The following DOK3 variants were observed in gnomAD, a reference collection of about 807,000 sequenced individuals.
DOK3 encodes Dok-like protein.
In DOK3, 23 loss-of-function variants were observed where a neutral mutation model predicts 26.2. The observed-to-expected ratio is 0.88, with a 90% CI of 0.63 to 1.24. DOK3 has a LOEUF of 1.24. Ranked by LOEUF, DOK3 falls within the 50% of genes most tolerant of loss-of-function variation. DOK3 has a pLI of 0.00. For synonymous variants in DOK3, 268 were observed against 268.2 expected (o/e 1.00, Z 0.01); for missense variants, 619 against 610.6 (o/e 1.01, Z -0.15).
rs556362471 is a variant in DOK3 at position 177,509,558 on chromosome 5, G to C, written c.-18C>G. Reference sequence around the variant, plus strand: ...GGGTCCATGGTCACGGCCAGGAGCAGGGCCGCCGCTTCAAGACCTGGGGAG... The same window carrying C: ...GGGTCCATGGTCACGGCCAGGAGCACGGCCGCCGCTTCAAGACCTGGGGAG... On this transcript the variant is annotated 5_prime_UTR_variant, in exon 2 of 6. Transcript: ENST00000510898. The C allele has an allele frequency of 6.2e-6, 10 of 1,610,068 alleles. No homozygotes were observed. Among genetic ancestry groups the C allele is most frequent in the African/African-American group, 5.3e-5 (4 of 74,944 alleles).
chr5:177,507,952 G>T (rs910501596), intron 3 of DOK3, among the ~76,000 whole-genome samples: 1 of 152,136 alleles, frequency 6.6e-6, no homozygotes, highest in Non-Finnish European at 1.5e-5. Flanking sequence ...TCCCCAGGCT[G>T]CCCCTGTCCT....
At position 177,503,104 on chromosome 5, in the gene DOK3, CAG is replaced by C; in HGVS notation, c.*877_*878del. ...GAGTTGCGGTGAGGGGCTGGGCAGT[CAG>C]AGCCCTGGAGGCATGACGCTTGCGT... On this transcript the variant is annotated 3_prime_UTR_variant, in exon 6 of 6. Coordinates refer to ENST00000510898, the MANE Select transcript of DOK3 (RefSeq NM_001308236.3). 1 of 1,550,604 alleles carries C rather than the reference CAG, an allele frequency of 6.4e-7. No individual in the cohort carries two copies. Among genetic ancestry groups the C allele is most frequent in the Non-Finnish European group, 8.7e-7 (1 of 1,146,228 alleles).
chr5:177,505,175 G>A (rs767613110), intron 3 of DOK3, 65 bp from the exon 4 acceptor site: 95 of 1,429,622 alleles, frequency 6.6e-5, no homozygotes, highest in Non-Finnish European at 8.7e-5. Context: ...CCTCCCCTCA[G>A]TATCCCAGAA....
Position 177,508,324 on chromosome 5 carries a change from G to C in DOK3, c.285C>G (p.Phe95Leu). ...GESCPRDTGA[F>L]LLTTTERSHL... is the part of the protein sequence containing the mutation. ...GGCTTCGCTCGGTGGTGGTGAGCAG[G>C]AAGGCACCGGTGTCCCGGGGGCAGC... Residue 95 changes from phenylalanine (F) to leucine (L), a missense_variant, in exon 3 of 6, where the codon TTC becomes TTG. Coordinates refer to ENST00000510898, the MANE Select transcript of DOK3 (RefSeq NM_001308236.3). The C allele has an allele frequency of 1.3e-6, 2 of 1,593,600 alleles. No individual in the cohort carries two copies. The highest frequency in any genetic ancestry group is 1.7e-6 in the Non-Finnish European group (2 of 1,175,244).
chr5:177,507,108 C>T (rs1581788502), intron 3 of DOK3, among the ~76,000 whole-genome samples: 1 of 152,198 alleles, frequency 6.6e-6, no homozygotes, highest in Non-Finnish European at 1.5e-5. Context: ...CTTCTCCCTT[C>T]CTCCAGCTCC....
intron 1 of DOK3, 36 bp downstream of exon 1, chr5:177,509,722 C>T: frequency 6.2e-7 from 1 of 1,610,944 alleles, no homozygotes; most frequent in Non-Finnish European, 8.5e-7. Flanking sequence ...GTATTTCCTC[C>T]CTGGGGTTCT....
chr5:177,506,680 CT>C (rs1760214518), intron 3 of DOK3, among the ~76,000 whole-genome samples: 5 of 115,430 alleles, frequency 4.3e-5, no homozygotes, highest in African/African-American at 1.6e-4. Flanking sequence ...TCTTTTTTTT[CT>C]TTTCTTTTTT....
At chr5:177,509,415 G>A (rs1018818067) in intron 2 of DOK3, 60 bp downstream of exon 2, 1 of 1,560,534 alleles carries the variant, frequency 6.4e-7, no homozygotes, top group Non-Finnish European at 8.6e-7. Context: ...CAGGGGCAGA[G>A]GCTGCATTCT....
chr5:177,505,088 C>G lies in DOK3; in HGVS notation c.395G>C (p.Gly132Ala). The change falls in exon 4 of 6, where the codon GGA (glycine) becomes GCA (alanine). Residue 132 changes from glycine to alanine, a missense_variant. Transcript: ENST00000510898. ...AFPGTGEASSGSTDAQSPKRG... is the reference protein window; with the variant it reads ...AFPGTGEASSASTDAQSPKRG... ...CTTGGGAGACTGGGCATCTGTGGAT[C>G]CTGAGGAGGCCTCCCCTGTCCCCTG... 6.2e-7 allele frequency: 1 copy of G among 1,611,530 alleles called. No homozygotes were observed. The highest frequency in any genetic ancestry group is 8.5e-7 in the Non-Finnish European group (1 of 1,179,000).
chr5:177,505,520 C>T (rs549192539), intron 3 of DOK3, among the ~76,000 whole-genome samples: 1 of 152,302 alleles, frequency 6.6e-6, no homozygotes, highest in African/African-American at 2.4e-5. Context: ...ATCCCCACAC[C>T]CAGGCCTTCA....
At chr5:177,507,197 T>A (rs113408725) in intron 3 of DOK3, among the ~76,000 whole-genome samples, 1 of 151,936 alleles carries the variant, frequency 6.6e-6, no homozygotes, top group South Asian at 2.1e-4. Context: ...TCTTTTTTTT[T>A]TTTGAGACAG....
At chr5:177,507,714 T>TG (rs1288551469) in intron 3 of DOK3, among the ~76,000 whole-genome samples, 1 of 152,200 alleles carries the variant, frequency 6.6e-6, no homozygotes. Context: ...ACAGACCTTT[T>TG]GGGGCTTTAC....
rs776970735 is a variant in DOK3, at chr5:177,504,376, C to T, written c.930G>A (p.Pro310=). ...HLAEPGPQSL[P]LLLGPEPNDL... ...CGTTGGGCTCCGGGCCTAGCAGTAG[C>T]GGCAGGCTCTGGGGTCCGGGCTCGG... is the stretch of plus-strand genomic sequence containing the variant. Residue 310 remains proline, a synonymous_variant, in exon 6 of 6, where the codon CCG becomes CCA. Transcript: ENST00000510898. The T allele has an allele frequency of 3.8e-5, 59 of 1,567,886 alleles. No individual in the cohort carries two copies. Among genetic ancestry groups the T allele is most frequent in the Middle Eastern group, 3.4e-4 (2 of 5,830 alleles).
At chr5:177,509,302 C>T (rs1760666252) in intron 2 of DOK3, 173 bp downstream of exon 2, 11 of 789,266 alleles carry the variant, frequency 1.4e-5, no homozygotes, top group Non-Finnish European at 1.9e-6. Flanking sequence ...CCCCTGCCGT[C>T]TCAGGCTGAC....
chr5:177,505,137 G>T, intron 3 of DOK3, 27 bp from the exon 4 acceptor site: 1 of 1,576,034 alleles, frequency 6.3e-7, no homozygotes, highest in South Asian at 1.2e-5. Context: ...AGTCAAAGGT[G>T]AGAGCACCGC....
At chr5:177,508,642 C>T (rs902778640) in intron 2 of DOK3, 100 bp from the exon 3 acceptor site, 57 of 1,311,168 alleles carry the variant, frequency 4.3e-5, no homozygotes, top group Non-Finnish European at 4.5e-5. Context: ...CAGCCAGGAG[C>T]GGGCCTCTGC....
chr5:177,504,144 C>A lies in DOK3; in HGVS notation c.1162G>T (p.Ala388Ser). The A allele has an allele frequency of 6.2e-7, 1 of 1,613,906 alleles. No individual in the cohort carries two copies. The highest frequency in any genetic ancestry group is 2.2e-5 in the East Asian group (1 of 44,878). ...TGGGCCTCCAGGGTACTGTCGTTGG[C>A]CGGGCCGGGCCAGCTCAAGTCCTGG... The part of the protein sequence containing the change: ...NGQDLSWPGP[A>S]NDSTLEAQYR... The change falls in exon 6 of 6, where the codon GCC becomes TCC. Residue 388 changes from alanine to serine, a missense_variant. Ala to Ser is a moderately conservative substitution (Grantham distance 99). Transcript: ENST00000510898.
chr5:177,508,415 C>G lies in DOK3; in HGVS notation c.194G>C (p.Arg65Pro), dbSNP rs372411602. 1 of 1,602,244 alleles carries G rather than the reference C, an allele frequency of 6.2e-7. No homozygotes were observed. Among genetic ancestry groups the G allele is most frequent in the Non-Finnish European group, 8.5e-7 (1 of 1,177,944 alleles). Residue 65 changes from arginine (R) to proline (P), a missense_variant, in exon 3 of 6, where the codon CGG becomes CCG. By Grantham distance (103) the Arg-to-Pro change is moderately radical. Transcript: ENST00000510898. ...GCGGATGACCCGTCGCTCCCCTCGCCGGCCAGGCCCTGCCGACCTGTCACC... is the reference window on the plus strand; with the variant it reads ...GCGGATGACCCGTCGCTCCCCTCGCGGGCCAGGCCCTGCCGACCTGTCACC... ...AAGDRSAGPG[R>P]RGERRVIRLA...
At chr5:177,509,153 T>G in intron 2 of DOK3, 3 of 272,674 alleles carry the variant, frequency 1.1e-5, no homozygotes, top group Non-Finnish European at 2.1e-5. Flanking sequence ...CCTCACCCTA[T>G]TTAGGGCCCT....
Sources: allele counts gnomAD v4.1 joint callset (sites outside exome capture counted in the v4.1 genomes callset), GRCh38; gene constraint gnomAD v4.1.1; transcripts MANE v1.5; gene names NCBI Gene and HGNC (gene_info 2026-07-23, HGNC 2026-07-21).